Variants in CHST9 observed in about 807,000 individuals in gnomAD.
CHST9 encodes the protein carbohydrate sulfotransferase 9, also known as GalNAc-4-sulfotransferase 2.
CHST9 carries 41 observed loss-of-function variants against 44.4 expected under a neutral mutation model. The observed-to-expected ratio is 0.92, with a 90% CI of 0.72 to 1.20. The LOEUF is 1.20. CHST9 is among the 50% of genes most tolerant of loss of function. The probability of loss-of-function intolerance (pLI) is 0.00; values close to 1 mark genes in which losing one functional copy is unlikely to be tolerated. For missense variants in CHST9, 504 were observed against 516.5 expected, an observed-to-expected ratio of 0.98 and a Z score of 0.23; for synonymous variants, 171 against 178.4, an observed-to-expected ratio of 0.96 and a Z score of 0.33.
chr18:27,159,491 A>G lies in CHST9; in HGVS notation c.-96-16586T>C, dbSNP rs2058727714. On this transcript the variant is annotated intron_variant, in intron 1 of 5. Transcript: ENST00000618847. ...ATATCTCTGTTTTGGTACCAGTACCATGCTGTTTTGGTTACTGTAGCCTTG... is the reference window on the plus strand; with the variant it reads ...ATATCTCTGTTTTGGTACCAGTACCGTGCTGTTTTGGTTACTGTAGCCTTG... 3.3e-5 allele frequency among the ~76,000 whole-genome samples: 5 copies of G among 152,290 alleles called. No individual in the cohort carries two copies. The South Asian group carries it at 1.0e-3, about 32-fold the overall frequency.
At chr18:26,930,112 T>A (rs1273701807) in intron 5 of CHST9, among the ~76,000 whole-genome samples, 2 of 152,214 alleles carry the variant, frequency 1.3e-5, no homozygotes, top group Admixed American at 1.3e-4. Context: ...CACTTGCATA[T>A]TTGACAACTC....
intron 4 of CHST9, among the ~76,000 whole-genome samples, chr18:27,011,869 G>C (rs549133506): frequency 6.6e-6 from 1 of 152,264 alleles, no homozygotes; most frequent in African/African-American, 2.4e-5. Flanking sequence ...GCTGGCCACT[G>C]GTGATTCCTG....
chr18:27,135,983 T>C (rs900147078), intron 2 of CHST9, among the ~76,000 whole-genome samples: 2 of 152,174 alleles, frequency 1.3e-5, no homozygotes, highest in African/African-American at 2.4e-5. Context: ...TCTCAAAATA[T>C]AATCCCTGGA....
intron 1 of CHST9, among the ~76,000 whole-genome samples, chr18:27,172,333 A>G (rs1222060954): frequency 6.6e-6 from 1 of 152,118 alleles, no homozygotes; most frequent in Admixed American, 6.5e-5. Context: ...TAACAGTTTA[A>G]TAAGATAACT....
chr18:27,156,668 A>G (rs2058700695), intron 1 of CHST9, among the ~76,000 whole-genome samples: 2 of 152,144 alleles, frequency 1.3e-5, no homozygotes, highest in African/African-American at 4.8e-5. Flanking sequence ...GCAATGGGCA[A>G]CAGAGTATCC....
chr18:26,941,790 A>G (rs1230427358), intron 5 of CHST9, among the ~76,000 whole-genome samples: 1 of 152,210 alleles, frequency 6.6e-6, no homozygotes, highest in African/African-American at 2.4e-5. Context: ...CACAGGAAAG[A>G]ATCCAGCGTT....
chr18:27,163,401 GC>G lies in CHST9; in HGVS notation c.-96-20497del, dbSNP rs1417920060. Among the ~76,000 whole-genome samples, 16 of 152,314 alleles carry G rather than the reference GC, an allele frequency of 1.1e-4. No homozygotes were observed. The East Asian group carries it at 2.5e-3, about 24-fold the overall frequency. On this transcript the variant is annotated intron_variant, in intron 1 of 5. Transcript: ENST00000618847. Reference sequence around the variant, plus strand: ...GCTGCCTTTTGTTTGGCTGTGCCCTGCCCCCTAGAGGTGGAGTCTACAGAGG... The same window carrying G: ...GCTGCCTTTTGTTTGGCTGTGCCCTGCCCCTAGAGGTGGAGTCTACAGAGG...
At chr18:26,942,620 A>G (rs149746574) in intron 5 of CHST9, among the ~76,000 whole-genome samples, 203 of 152,248 alleles carry the variant, frequency 1.3e-3, no homozygotes, top group African/African-American at 4.7e-3. Flanking sequence ...TTTTTGACCA[A>G]TTGCTTTAGG....
intron 1 of CHST9, among the ~76,000 whole-genome samples, chr18:27,183,933 T>C (rs1358837502): frequency 6.6e-6 from 1 of 152,100 alleles, no homozygotes; most frequent in African/African-American, 2.4e-5. Flanking sequence ...ATACTAAATA[T>C]GGTCACAATG....
intron 5 of CHST9, chr18:26,935,052 T>C (rs1040793083): frequency 3.3e-5 from 5 of 152,246 alleles, no homozygotes; most frequent in Admixed American, 1.3e-4. Context: ...AGGGCACATG[T>C]GGAAATTGCT....
intron 2 of CHST9, among the ~76,000 whole-genome samples, chr18:27,053,130 G>GGAAGAAGAAGAGGAA (rs1192075553): frequency 0.019 from 1,322 of 71,202 alleles, 37 homozygotes; most frequent in East Asian, 0.03. Context: ...AGGAAGAAGA[G>GGAAGAAGAAGAGGAA]GAAGAAGAAG....
chr18:27,018,286 G>T (rs1225336821), intron 4 of CHST9, among the ~76,000 whole-genome samples: 2 of 152,178 alleles, frequency 1.3e-5, no homozygotes, highest in Non-Finnish European at 2.9e-5. Flanking sequence ...CAATGAGAAG[G>T]AGAAAAATAC....
intron 2 of CHST9, among the ~76,000 whole-genome samples, chr18:27,140,110 T>C (rs955750606): frequency 3.3e-5 from 5 of 152,146 alleles, no homozygotes; most frequent in African/African-American, 1.2e-4. Flanking sequence ...GCTTCATCTG[T>C]GCTATAGAGA....
chr18:26,963,108 G>A (rs1189734049), intron 4 of CHST9, among the ~76,000 whole-genome samples: 1 of 152,154 alleles, frequency 6.6e-6, no homozygotes, highest in Non-Finnish European at 1.5e-5. Context: ...ACCGGGCACT[G>A]TATTGGGCAT....
chr18:26,919,743 G>A (rs2055611867), intron 5 of CHST9, among the ~76,000 whole-genome samples: 2 of 152,052 alleles, frequency 1.3e-5, no homozygotes, highest in Admixed American at 6.6e-5. Flanking sequence ...TGGACTTTCT[G>A]CTTTGTGGCC....
chr18:26,922,565 T>TA (rs1348767601), intron 5 of CHST9, among the ~76,000 whole-genome samples: 1 of 152,176 alleles, frequency 6.6e-6, no homozygotes, highest in African/African-American at 2.4e-5. Context: ...CTAAAAAAAA[T>TA]ATGGAAAAAT....
chr18:27,095,749 T>C (rs1158164389), intron 2 of CHST9, among the ~76,000 whole-genome samples: 4 of 152,104 alleles, frequency 2.6e-5, no homozygotes, highest in Non-Finnish European at 4.4e-5. Flanking sequence ...ATTCTAAAAA[T>C]ATACACACCT....
At chr18:27,159,233 T>C (rs1254564325) in intron 1 of CHST9, among the ~76,000 whole-genome samples, 5 of 152,262 alleles carry the variant, frequency 3.3e-5, no homozygotes, top group Non-Finnish European at 5.9e-5. Flanking sequence ...AGGGGTTTTA[T>C]GGTTTTAGGT....
intron 4 of CHST9, among the ~76,000 whole-genome samples, chr18:26,987,941 A>G (rs2056773397): frequency 6.6e-6 from 1 of 152,180 alleles, no homozygotes; most frequent in South Asian, 2.1e-4. Context: ...AATAAATTCT[A>G]TTGTGTATAA....
Sources: allele counts gnomAD v4.1 joint callset (sites outside exome capture counted in the v4.1 genomes callset), GRCh38; gene constraint gnomAD v4.1.1; transcripts MANE v1.5; gene names NCBI Gene and HGNC (gene_info 2026-07-23, HGNC 2026-07-21).